AIDA: variants seen among roughly 807,000 people sequenced by gnomAD.
AIDA encodes axin interactor, dorsalization-associated protein.
A neutral mutation model predicts 42.7 loss-of-function variants in AIDA; 18 were observed. That is an observed-to-expected ratio of 0.42 (90% CI 0.29 to 0.63). The LOEUF (loss-of-function observed/expected upper bound fraction) is 0.63, where lower values mean the gene tolerates loss of function less well. AIDA is among the 20% of genes least tolerant of loss of function. The probability of loss-of-function intolerance (pLI) is 0.19; values close to 1 mark genes in which losing one functional copy is unlikely to be tolerated. For synonymous variants in AIDA, 104 were observed against 122.9 expected (o/e 0.85, Z 1.02); for missense variants, 250 against 354.1 (o/e 0.71, Z 2.36).
intron 2 of AIDA, among the ~76,000 whole-genome samples, chr1:222,702,684 G>GT (rs887296894): frequency 2.0e-5 from 3 of 152,178 alleles, no homozygotes; most frequent in Admixed American, 6.5e-5. Flanking sequence ...TTGGTCTTTT[G>GT]TTTTTTGTGT....
At chr1:222,690,955 T>C (rs79400315) in intron 4 of AIDA, among the ~76,000 whole-genome samples, 1 of 152,156 alleles carries the variant, frequency 6.6e-6, no homozygotes, top group African/African-American at 2.4e-5. Flanking sequence ...TTTGCCCTCA[T>C]ATATGGATCT....
At position 222,673,338 on chromosome 1, in the gene AIDA, C is replaced by T. The variant is rs200423401; in HGVS notation, c.681G>A (p.Gln227=). 6 of 1,608,202 alleles carry T rather than the reference C, an allele frequency of 3.7e-6. No individual in the cohort carries two copies. The East Asian group carries it at 1.1e-4, about 30-fold the overall frequency. Residue 227 remains glutamine (Q), a synonymous_variant, in exon 8 of 10, where the codon CAG becomes CAA. Coordinates refer to ENST00000340020, the MANE Select transcript of AIDA (RefSeq NM_022831.4). ...YVHFNVDIEL[Q]KHVEKLTKGA... ...CTTTGGTTAATTTTTCAACATGCTT[C>T]TGGAGCTCAATGTCCACATTAAAAT...
chr1:222,687,595 C>A lies in AIDA; in HGVS notation c.353G>T (p.Arg118Ile). ...FPFDVQPVPL[R>I]RILAPGEEEN... ...AAACAAATATAAATGTTTCTTTTACCTTAATGGGACAGGCTGAACATCAAA... is the reference window on the plus strand; with the variant it reads ...AAACAAATATAAATGTTTCTTTTACATTAATGGGACAGGCTGAACATCAAA... Residue 118 changes from arginine (R) to isoleucine (I), a missense_variant and splice_region_variant, in exon 5 of 10, where the codon AGA (arginine) becomes ATA (isoleucine). Physicochemically the swap from Arg to Ile is moderately conservative, Grantham distance 97. Around this residue, in one of 4 missense-constraint regions of AIDA, gnomAD observed 199 missense variants for 232.6 expected, o/e 0.86. Transcript: ENST00000340020. 1.3e-6 allele frequency: 2 copies of A among 1,488,658 alleles called. No individual in the cohort carries two copies. Among genetic ancestry groups the A allele is most frequent in the East Asian group, 2.4e-5 (1 of 42,176 alleles). The allele number at this position is 1,488,658 out of a possible 1,614,324, so 92.2% of individuals were successfully genotyped here.
chr1:222,695,214 G>A (rs1239492166), intron 2 of AIDA, among the ~76,000 whole-genome samples: 1 of 152,138 alleles, frequency 6.6e-6, no homozygotes, highest in Non-Finnish European at 1.5e-5. Context: ...CATTGTGGCC[G>A]GGCGTGGTAG....
At chr1:222,686,581 T>C (rs537934348) in intron 6 of AIDA, among the ~76,000 whole-genome samples, 2 of 152,286 alleles carry the variant, frequency 1.3e-5, no homozygotes, top group East Asian at 1.9e-4. Flanking sequence ...TCTTGAAAGC[T>C]TGCATCTGGT....
chr1:222,687,676 A>G lies in AIDA; in HGVS notation c.290-18T>C. On this transcript the variant is annotated intron_variant, in intron 4 of 9. Coordinates refer to ENST00000340020, the MANE Select transcript of AIDA (RefSeq NM_022831.4). ...CTTTAGGACTAGAATAAGAAGATAAAGAAACATGAATTCTTCCATGAAGCA... is the reference window on the plus strand; with the variant it reads ...CTTTAGGACTAGAATAAGAAGATAAGGAAACATGAATTCTTCCATGAAGCA... 1.4e-6 allele frequency: 2 copies of G among 1,445,594 alleles called. No individual in the cohort carries two copies. The highest frequency in any genetic ancestry group is 1.9e-6 in the Non-Finnish European group (2 of 1,071,004). 89.5% of individuals were successfully genotyped at this position (1,445,594 alleles called of 1,614,324 possible).
intron 2 of AIDA, among the ~76,000 whole-genome samples, chr1:222,696,385 G>A (rs965605553): frequency 2.6e-5 from 4 of 152,152 alleles, no homozygotes; most frequent in Admixed American, 2.0e-4. Context: ...AACAACTACT[G>A]AGCACTTACT....
At position 222,673,432 on chromosome 1, in the gene AIDA, A is replaced by C. The variant is rs1664484635; in HGVS notation, c.587T>G (p.Leu196Arg). 6.4e-7 allele frequency: 1 copy of C among 1,566,234 alleles called. No individual in the cohort carries two copies. The highest frequency in any genetic ancestry group is 8.6e-7 in the Non-Finnish European group (1 of 1,158,324). Reference sequence around the variant, plus strand: ...CACAGGAGTTAAGTCTATGCCATTCAGATCTAAAGAGAAAAGAAGTTTCTC... The same window carrying C: ...CACAGGAGTTAAGTCTATGCCATTCCGATCTAAAGAGAAAAGAAGTTTCTC... ...DPYITVSVKD[L>R]NGIDLTPVQD... Residue 196 changes from leucine to arginine, a missense_variant, in exon 8 of 10, where the codon CTG (leucine) becomes CGG (arginine). By Grantham distance (102) the Leu-to-Arg change is moderately radical. Transcript: ENST00000340020.
intron 4 of AIDA, among the ~76,000 whole-genome samples, chr1:222,689,520 T>TATATAC (rs765351898): frequency 0.051 from 2,913 of 57,252 alleles, 195 homozygotes; most frequent in Non-Finnish European, 0.075. Flanking sequence ...TATATATATA[T>TATATAC]ACACACATAC....
At chr1:222,684,338 C>T (rs111986588) in intron 6 of AIDA, among the ~76,000 whole-genome samples, 5,667 of 152,174 alleles carry the variant, frequency 0.037, 145 homozygotes, top group East Asian at 0.13. Context: ...TCTCGAACTC[C>T]TGACCTCAGG....
intron 1 of AIDA, among the ~76,000 whole-genome samples, chr1:222,704,156 G>A (rs952069754): frequency 3.9e-5 from 6 of 152,154 alleles, no homozygotes; most frequent in African/African-American, 1.4e-4. Flanking sequence ...ATCCTTATGG[G>A]GGAAAGAGAG....
At chr1:222,708,541 T>C (rs903997174) in intron 1 of AIDA, among the ~76,000 whole-genome samples, 2 of 151,888 alleles carry the variant, frequency 1.3e-5, no homozygotes, top group Admixed American at 1.3e-4. Context: ...CTAATGTTTT[T>C]GTATTTTTAG....
At chr1:222,697,028 C>T (rs1422676249) in intron 2 of AIDA, among the ~76,000 whole-genome samples, 3 of 151,988 alleles carry the variant, frequency 2.0e-5, no homozygotes, top group African/African-American at 7.2e-5. Context: ...CTGCAACCTC[C>T]GCCTCCCAGG....
At chr1:222,697,029 G>A (rs1162610127) in intron 2 of AIDA, among the ~76,000 whole-genome samples, 5 of 151,838 alleles carry the variant, frequency 3.3e-5, no homozygotes, top group South Asian at 2.1e-4. Flanking sequence ...TGCAACCTCC[G>A]CCTCCCAGGC....
intron 8 of AIDA, among the ~76,000 whole-genome samples, chr1:222,671,089 C>T (rs1048068910): frequency 2.0e-5 from 3 of 151,796 alleles, no homozygotes; most frequent in South Asian, 2.1e-4. Context: ...TAGCCAGGCT[C>T]GGTGGCACGT....
At chr1:222,670,683 A>G (rs1365691337) in intron 8 of AIDA, among the ~76,000 whole-genome samples, 1 of 152,236 alleles carries the variant, frequency 6.6e-6, no homozygotes, top group Non-Finnish European at 1.5e-5. Context: ...ACCCCAAAAC[A>G]AAAACTCAAA....
In AIDA at chr1:222,700,976, G is replaced by A. The variant is rs566531120; in HGVS notation, c.180+2172C>T. Among the ~76,000 whole-genome samples, 15 of 146,934 alleles carry A rather than the reference G, an allele frequency of 1.0e-4. No homozygotes were observed. The South Asian group carries it at 3.3e-3, about 32-fold the overall frequency. On this transcript the variant is annotated intron_variant, in intron 2 of 9. Coordinates refer to ENST00000340020, the MANE Select transcript of AIDA (RefSeq NM_022831.4). ...ACTCATTTCTTGATTTTTTTTGGGG[G>A]GGGGGGGACAGGGTCTCACTGTGTC...
chr1:222,699,795 C>CG (rs1416359672), intron 2 of AIDA, among the ~76,000 whole-genome samples: 12 of 148,186 alleles, frequency 8.1e-5, no homozygotes, highest in African/African-American at 2.8e-4. Context: ...TTTTTTGAGA[C>CG]AAGTCTCGCT....
At chr1:222,698,412 A>G (rs998892303) in intron 2 of AIDA, among the ~76,000 whole-genome samples, 59 of 152,080 alleles carry the variant, frequency 3.9e-4, no homozygotes, top group African/African-American at 1.4e-3. Flanking sequence ...AATAAATATC[A>G]ACAACCTAAG....
Sources: allele counts gnomAD v4.1 joint callset (sites outside exome capture counted in the v4.1 genomes callset), GRCh38; gene constraint gnomAD v4.1.1; regional missense constraint gnomAD v4.1.1; transcripts MANE v1.5; gene names NCBI Gene and HGNC (gene_info 2026-07-23, HGNC 2026-07-21).